Variants in ADPRHL1 observed in about 807,000 individuals in gnomAD.
ADPRHL1 encodes the protein ADP-ribosylhydrolase like 1.
In ADPRHL1, 43 loss-of-function variants were observed where a neutral mutation model predicts 44.1. The ratio of observed to expected loss-of-function variants is 0.98; its 90% CI spans 0.76 to 1.26. The LOEUF (loss-of-function observed/expected upper bound fraction) is 1.26. Ranked by LOEUF, ADPRHL1 falls within the 50% of genes most tolerant of loss-of-function variation. The pLI, the probability that ADPRHL1 is intolerant of heterozygous loss-of-function variation, is 0.00. For missense variants in ADPRHL1, 2,022 were observed against 2,496.9 expected (o/e 0.81, Z 4.05); for synonymous variants, 878 against 1,017.4 (o/e 0.86, Z 2.61).
At chr13:113,429,671 A>G (rs930120058) in intron 3 of ADPRHL1, among the ~76,000 whole-genome samples, 3 of 152,220 alleles carry the variant, frequency 2.0e-5, no homozygotes, top group Non-Finnish European at 4.4e-5. Flanking sequence ...GTGCAGGAAG[A>G]AGGCTGAGGT....
rs2043815310 is a variant in ADPRHL1, at chr13:113,407,166, C to A, written c.2116G>T (p.Ala706Ser). 8.1e-7 allele frequency: 1 copy of A among 1,232,236 alleles called. No homozygotes were observed. Among genetic ancestry groups the A allele is most frequent in the African/African-American group, 1.5e-5 (1 of 64,560 alleles). The allele number at this position is 1,232,236 out of a possible 1,614,324, so 76.3% of individuals were successfully genotyped here. A position where few individuals can be genotyped will look rare whatever the true frequency, so the allele number is the denominator to read the frequency against. ...QRDGHAVPSL[A>S]FSCAPCTGGV... ...CCTGTGCAGGGAGCACAAGAGAAGG[C>A]CAGCGAGGGGACAGCGTGGCCGTCC... The change falls in exon 8 of 8, where the codon GCC (alanine) becomes TCC (serine). Residue 706 changes from alanine to serine, a missense_variant. Transcript: ENST00000612156.
rs1021361667 is a variant in ADPRHL1 at position 113,427,638 on chromosome 13, G to A, written c.646+1314C>T. Among the ~76,000 whole-genome samples the A allele has an allele frequency of 5.3e-5, 8 of 151,276 alleles. 1 individual carries two copies. Among genetic ancestry groups the A allele is most frequent in the African/African-American group, 9.7e-5 (4 of 41,102 alleles). On this transcript the variant is annotated intron_variant, in intron 4 of 7. Coordinates refer to ENST00000612156, the MANE Select transcript of ADPRHL1 (RefSeq NM_001394807.1). ...AACCTCCGCTTAGCCATCTCCCACCGCTCCCACACCAAACGGTAAGAGAGA... is the reference window on the plus strand; with the variant it reads ...AACCTCCGCTTAGCCATCTCCCACCACTCCCACACCAAACGGTAAGAGAGA...
At chr13:113,410,078 G>T in intron 7 of ADPRHL1, 1 of 985,398 alleles carries the variant, frequency 1.0e-6, no homozygotes. Context: ...GGTGACAGCG[G>T]CTGACCACAT....
In ADPRHL1 at chr13:113,404,969, C is replaced by A. The variant is rs534218590; in HGVS notation, c.4313G>T (p.Arg1438Leu). ...CAGATGCTGCTGACCTTGGTCACTG[C>A]GCTGGCAGGCGCCCCCAACCCCAAT... is the stretch of plus-strand genomic sequence containing the variant. ...MAIGVGGACQ[R>L]SDQGQQHLQG... Residue 1438 changes from arginine (R) to leucine (L), a missense_variant, in exon 8 of 8, where the codon CGC becomes CTC. Transcript: ENST00000612156. 4.0e-6 allele frequency: 5 copies of A among 1,235,090 alleles called. No homozygotes were observed. The highest frequency in any genetic ancestry group is 3.1e-5 in the African/African-American group (2 of 64,462). 76.5% of individuals were successfully genotyped at this position (1,235,090 alleles called of 1,614,324 possible).
At position 113,425,496 on chromosome 13, in the gene ADPRHL1, C is replaced by T. The variant is rs923641427; in HGVS notation, c.647-317G>A. On this transcript the variant is annotated intron_variant, in intron 4 of 7. Coordinates refer to ENST00000612156, the MANE Select transcript of ADPRHL1 (RefSeq NM_001394807.1). ...TCGGCTCACTGCAACCTCTGCCTCC[C>T]GAGTAGCTGGGATTACAGCTGCCCA... 3.3e-5 allele frequency among the ~76,000 whole-genome samples: 5 copies of T among 151,116 alleles called. No homozygotes were observed. In the East Asian group the frequency reaches 7.8e-4, roughly 24 times the overall value.
chr13:113,424,770 AC>A (rs1332110568), intron 5 of ADPRHL1, among the ~76,000 whole-genome samples: 149 of 12,484 alleles, frequency 0.012, 12 homozygotes, highest in Middle Eastern at 0.038. Context: ...CCTTCCATCC[AC>A]CTACCCAACC....
At chr13:113,414,332 A>C (rs550493712) in intron 7 of ADPRHL1, among the ~76,000 whole-genome samples, 1 of 152,294 alleles carries the variant, frequency 6.6e-6, no homozygotes, top group South Asian at 2.1e-4. Flanking sequence ...CATCAACACC[A>C]GAGGCCTGCA....
intron 2 of ADPRHL1, among the ~76,000 whole-genome samples, chr13:113,442,111 T>C (rs2044103596): frequency 6.6e-6 from 1 of 152,270 alleles, no homozygotes; most frequent in Non-Finnish European, 1.5e-5. Context: ...TTTGTTTGTC[T>C]GAGAAAGGCT....
intron 2 of ADPRHL1, among the ~76,000 whole-genome samples, chr13:113,435,909 T>G (rs1277355092): frequency 7.2e-6 from 1 of 139,058 alleles, no homozygotes; most frequent in African/African-American, 2.8e-5. Context: ...CACCCAGGTG[T>G]AGGGTGAACA....
At chr13:113,430,618 G>T (rs994453614) in intron 3 of ADPRHL1, among the ~76,000 whole-genome samples, 14 of 152,156 alleles carry the variant, frequency 9.2e-5, no homozygotes, top group African/African-American at 2.7e-4. Context: ...GGAGGAACTG[G>T]TGATATCAGT....
In ADPRHL1 at chr13:113,415,480, C is replaced by T. The variant is rs369983537; in HGVS notation, c.1062-7260G>A. 2.6e-5 allele frequency among the ~76,000 whole-genome samples: 4 copies of T among 152,068 alleles called. No individual in the cohort carries two copies. The East Asian group carries it at 7.7e-4, about 29-fold the overall frequency. ...GTTATAAAAAGAGAAGGGCTGGGTG[C>T]GGTGGCTCATGCCTGTAATCCCAGC... On this transcript the variant is annotated intron_variant, in intron 7 of 7. Transcript: ENST00000612156.
intron 1 of ADPRHL1, among the ~76,000 whole-genome samples, chr13:113,452,048 G>A (rs752977285): frequency 1.3e-5 from 2 of 152,274 alleles, no homozygotes; most frequent in African/African-American, 4.8e-5. Context: ...GGCATCAGAC[G>A]CCCAGAGGAA....
intron 7 of ADPRHL1, among the ~76,000 whole-genome samples, chr13:113,417,281 G>A (rs73571499): frequency 0.017 from 2,524 of 152,292 alleles, 33 homozygotes; most frequent in African/African-American, 0.035. Flanking sequence ...GCCCCAGGTC[G>A]TGCAGCCTGT....
chr13:113,426,466 G>A (rs1237771767), intron 4 of ADPRHL1, among the ~76,000 whole-genome samples: 2 of 152,250 alleles, frequency 1.3e-5, no homozygotes, highest in African/African-American at 4.8e-5. Flanking sequence ...GAGAGCTCAG[G>A]GCGCTGGAGA....
At position 113,407,426 on chromosome 13, in the gene ADPRHL1, G is replaced by A. The variant is rs932488754; in HGVS notation, c.1856C>T (p.Pro619Leu). 4.1e-5 allele frequency: 51 copies of A among 1,231,858 alleles called. 1 individual carries two copies. Among genetic ancestry groups the A allele is most frequent in the South Asian group, 2.9e-4 (7 of 24,320 alleles). 76.3% of individuals were successfully genotyped at this position (1,231,858 alleles called of 1,614,324 possible). A position where few individuals can be genotyped will look rare whatever the true frequency, so the allele number is the denominator to read the frequency against. ...RFLACTAEPL[P>L]ALSIATVVCG... ...GACGACGGTGGCGATGCTGAGGGCC[G>A]GCAGGGGCTCAGCCGTGCAGGCCAG... Residue 619 changes from proline to leucine, a missense_variant, in exon 8 of 8, where the codon CCG (proline) becomes CTG (leucine). Around this residue, in one of 8 missense-constraint regions of ADPRHL1, gnomAD observed 1,221 missense variants for 1,517.8 expected, o/e 0.80. Transcript: ENST00000612156.
chr13:113,409,813 C>T lies in ADPRHL1; in HGVS notation c.1062-1593G>A, dbSNP rs2043838316. 1.4e-6 allele frequency: 1 copy of T among 735,296 alleles called. No homozygotes were observed. The highest frequency in any genetic ancestry group is 1.9e-5 in the African/African-American group (1 of 51,850). 45.5% of individuals were successfully genotyped at this position (735,296 alleles called of 1,614,324 possible). A position where few individuals can be genotyped will look rare whatever the true frequency, so the allele number is the denominator to read the frequency against. ...CTGAGGCAGGCGAATGGCGTGAACC[C>T]AGGAGGCAGAGCTTGCAGTGAGCCG... On this transcript the variant is annotated intron_variant, in intron 7 of 7. Transcript: ENST00000612156. The surrounding 1 kb of genome is among the most constrained non-coding windows in gnomAD (Gnocchi z 4.2).
chr13:113,413,159 G>C lies in ADPRHL1; in HGVS notation c.1062-4939C>G, dbSNP rs576141355. 3.3e-5 allele frequency among the ~76,000 whole-genome samples: 5 copies of C among 149,318 alleles called. No individual in the cohort carries two copies. In the East Asian group the frequency reaches 9.7e-4, roughly 29 times the overall value. On this transcript the variant is annotated intron_variant, in intron 7 of 7. Transcript: ENST00000612156. ...GCTCGGTTCACCCACCGCCAACAGC[G>C]CCTCGCAGAACTCGGTTCACCCACT...
chr13:113,422,411 C>T (rs983642196), intron 7 of ADPRHL1: 10 of 178,350 alleles, frequency 5.6e-5, no homozygotes, highest in Admixed American at 2.8e-4. Context: ...AAACGCATGC[C>T]TGGAGGCAGA....
chr13:113,441,997 G>A lies in ADPRHL1; in HGVS notation c.379+2428C>T, dbSNP rs1427241072. 6.6e-6 allele frequency among the ~76,000 whole-genome samples: 1 copy of A among 152,272 alleles called. No individual in the cohort carries two copies. The highest frequency in any genetic ancestry group is 1.5e-5 in the Non-Finnish European group (1 of 68,056). Reference sequence around the variant, plus strand: ...GCGTCTCTATCACGCTGTGTCCTGTGGCGCGGGTCTCTGTTTGCATCCAGT... The same window carrying A: ...GCGTCTCTATCACGCTGTGTCCTGTAGCGCGGGTCTCTGTTTGCATCCAGT... On this transcript the variant is annotated intron_variant, in intron 2 of 7. Coordinates refer to ENST00000612156, the MANE Select transcript of ADPRHL1 (RefSeq NM_001394807.1). The surrounding 1 kb of genome is among the most constrained non-coding windows in gnomAD (Gnocchi z 6.0).
Sources: gnomAD v4.1 joint callset for allele counts (sites outside exome capture counted in the v4.1 genomes callset) on GRCh38, gnomAD v4.1.1 for gene constraint, gnomAD v4.1.1 regional missense constraint, Gnocchi (gnomAD v3.1) non-coding constraint, MANE v1.5 for transcripts, NCBI Gene and HGNC (gene_info 2026-07-23, HGNC 2026-07-21) for gene names.